The following TRIM2 variants were observed in gnomAD, a reference collection of about 807,000 sequenced individuals.
TRIM2 encodes the protein tripartite motif containing 2.
A neutral mutation model predicts 75.2 loss-of-function variants in TRIM2; 20 were observed. The ratio of observed to expected loss-of-function variants is 0.27; its 90% CI spans 0.19 to 0.39. The LOEUF (loss-of-function observed/expected upper bound fraction) is 0.39. TRIM2 is among the 10% of genes least tolerant of loss of function. The pLI is 1.00. For synonymous variants in TRIM2, 373 were observed against 388.3 expected, an observed-to-expected ratio of 0.96 and a Z score of 0.46; for missense variants, 660 against 990.8, an observed-to-expected ratio of 0.67 and a Z score of 4.48.
intron 1 of TRIM2, among the ~76,000 whole-genome samples, chr4:153,225,576 A>T (rs752261059): frequency 6.6e-6 from 1 of 152,160 alleles, no homozygotes; most frequent in Non-Finnish European, 1.5e-5. Flanking sequence ...TTAATTTAGT[A>T]TTTTCTCTGG....
At chr4:153,190,698 G>A (rs1733093524) in intron 1 of TRIM2, among the ~76,000 whole-genome samples, 1 of 152,140 alleles carries the variant, frequency 6.6e-6, no homozygotes, top group Non-Finnish European at 1.5e-5. Context: ...GGACATTAGG[G>A]ACAGCTGCAA....
chr4:153,269,867 G>C (rs946531764), intron 1 of TRIM2, among the ~76,000 whole-genome samples: 6 of 151,938 alleles, frequency 3.9e-5, no homozygotes, highest in African/African-American at 1.5e-4. Context: ...ATAAGGGTTG[G>C]CTTATTGGTC....
At chr4:153,156,157 C>T (rs543385014) in intron 1 of TRIM2, among the ~76,000 whole-genome samples, 1 of 152,368 alleles carries the variant, frequency 6.6e-6, no homozygotes, top group African/African-American at 2.4e-5. Context: ...TAGGCAACTG[C>T]AACCAGACTT....
chr4:153,176,720 C>T (rs754238657), intron 1 of TRIM2, among the ~76,000 whole-genome samples: 2 of 152,122 alleles, frequency 1.3e-5, no homozygotes, highest in Non-Finnish European at 2.9e-5. Flanking sequence ...AAGAGATTCT[C>T]GAGCCTCAGC....
intron 1 of TRIM2, among the ~76,000 whole-genome samples, chr4:153,205,676 G>A (rs550813484): frequency 6.6e-6 from 1 of 152,186 alleles, no homozygotes; most frequent in South Asian, 2.1e-4. Context: ...GTGAACCATG[G>A]GACTTTAATA....
intron 4 of TRIM2, 90 bp from the exon 5 acceptor site, chr4:153,294,215 A>G: frequency 7.3e-7 from 1 of 1,371,446 alleles, no homozygotes; most frequent in African/African-American, 1.5e-5. Flanking sequence ...AAAGGCATAG[A>G]ATTTTTTTAA....
At chr4:153,228,825 T>C (rs893685276) in intron 1 of TRIM2, among the ~76,000 whole-genome samples, 3 of 152,352 alleles carry the variant, frequency 2.0e-5, no homozygotes, top group South Asian at 4.1e-4. Flanking sequence ...CTTTTTGCTG[T>C]TTTTCCCTAT....
At position 153,339,180 on chromosome 4, in the gene TRIM2, C is replaced by G; in HGVS notation, c.*4214C>G. 4.1e-6 allele frequency: 4 copies of G among 985,758 alleles called. No homozygotes were observed. The highest frequency in any genetic ancestry group is 4.8e-6 in the Non-Finnish European group (4 of 829,888). 61.1% of individuals were successfully genotyped at this position (985,758 alleles called of 1,614,324 possible). A position where few individuals can be genotyped will look rare whatever the true frequency, so the allele number is the denominator to read the frequency against. ...TGTATGTTCGTAGCTACATACGTAC[C>G]ACAGTATTTTGGATGCTTTAGTCTA... On this transcript the variant is annotated 3_prime_UTR_variant, in exon 12 of 12. Coordinates refer to ENST00000338700, the MANE Select transcript of TRIM2 (RefSeq NM_015271.5).
chr4:153,318,119 G>A (rs754787362), intron 8 of TRIM2, among the ~76,000 whole-genome samples: 10 of 152,200 alleles, frequency 6.6e-5, no homozygotes, highest in Non-Finnish European at 1.5e-4. Context: ...TGTGATCTGG[G>A]CTTCATGTCC....
chr4:153,264,323 T>C (rs1265215391), intron 1 of TRIM2, among the ~76,000 whole-genome samples: 1 of 152,198 alleles, frequency 6.6e-6, no homozygotes, highest in Non-Finnish European at 1.5e-5. Context: ...TCTACTGGCT[T>C]TTTGTCAATG....
chr4:153,290,564 C>T (rs1761637002), intron 3 of TRIM2, among the ~76,000 whole-genome samples: 1 of 152,132 alleles, frequency 6.6e-6, no homozygotes, highest in South Asian at 2.1e-4. Context: ...GTATTATAGT[C>T]TTTCTGTGGG....
chr4:153,294,570 G>T lies in TRIM2; in HGVS notation c.786+85G>T, dbSNP rs114717316. 3,532 of 1,329,768 alleles carry T rather than the reference G, an allele frequency of 2.7e-3. 69 individuals carry two copies. In the African/African-American group the frequency reaches 0.047, roughly 18 times the overall value. The allele number at this position is 1,329,768 out of a possible 1,614,324, so 82.4% of individuals were successfully genotyped here. A position where few individuals can be genotyped will look rare whatever the true frequency, so the allele number is the denominator to read the frequency against. ...TATTGTTTCCTAATAGCAACAAGGG[G>T]TCCTTAAGTGTCATCATTGTATAGT... On this transcript the variant is annotated intron_variant, in intron 5 of 11. Coordinates refer to ENST00000338700, the MANE Select transcript of TRIM2 (RefSeq NM_015271.5).
In TRIM2 at chr4:153,253,423, C is replaced by T. The variant is rs10015912; in HGVS notation, c.31-16912C>T. ...GGGTATGACAGCCATAGTGCCCCTT[C>T]ACATTTCCAAATGCACACCCTACTA... On this transcript the variant is annotated intron_variant, in intron 1 of 11. Transcript: ENST00000338700. 5.3e-3 allele frequency among the ~76,000 whole-genome samples: 811 copies of T among 152,286 alleles called. 5 individuals carry two copies. The highest frequency in any genetic ancestry group is 0.018 in the African/African-American group (759 of 41,552).
At chr4:153,159,296 C>CTTTTTTTTT (rs11318531) in intron 1 of TRIM2, among the ~76,000 whole-genome samples, 41 of 89,170 alleles carry the variant, frequency 4.6e-4, no homozygotes, top group African/African-American at 7.1e-4. Flanking sequence ...TTTACAAAAT[C>CTTTTTTTTT]TTTTTTTTTT....
At chr4:153,249,078 G>A (rs1750089023) in intron 1 of TRIM2, among the ~76,000 whole-genome samples, 1 of 152,230 alleles carries the variant, frequency 6.6e-6, no homozygotes, top group South Asian at 2.1e-4. Flanking sequence ...TTTTAATGCT[G>A]TCACCGCGGG....
chr4:153,300,667 G>A (rs1763703094), intron 6 of TRIM2, among the ~76,000 whole-genome samples: 1 of 151,962 alleles, frequency 6.6e-6, no homozygotes, highest in African/African-American at 2.4e-5. Context: ...TGAGACTACA[G>A]GCACGCACTA....
At chr4:153,205,612 A>G (rs1300551818) in intron 1 of TRIM2, among the ~76,000 whole-genome samples, 1 of 152,154 alleles carries the variant, frequency 6.6e-6, no homozygotes, top group African/African-American at 2.4e-5. Flanking sequence ...TTTGTTATCG[A>G]CAGGAGCCTG....
chr4:153,259,304 C>G lies in TRIM2; in HGVS notation c.31-11031C>G, dbSNP rs564162774. On this transcript the variant is annotated intron_variant, in intron 1 of 11. Transcript: ENST00000338700. ...GCTTGTGAAATAAAGTTAAAACATT[C>G]ATTCTTTGTCTTACTAAGAAATGAA... is the stretch of plus-strand genomic sequence containing the variant. 2.0e-5 allele frequency among the ~76,000 whole-genome samples: 3 copies of G among 152,206 alleles called. No homozygotes were observed. The South Asian group carries it at 6.2e-4, about 32-fold the overall frequency.
chr4:153,239,792 A>T (rs892864700), intron 1 of TRIM2, among the ~76,000 whole-genome samples: 3 of 150,826 alleles, frequency 2.0e-5, no homozygotes, highest in Non-Finnish European at 4.4e-5. Flanking sequence ...TTTTCGAGCA[A>T]TATGAAATGT....
Sources: gnomAD v4.1 joint callset for allele counts (sites outside exome capture counted in the v4.1 genomes callset) on GRCh38, gnomAD v4.1.1 for gene constraint, MANE v1.5 for transcripts, NCBI Gene and HGNC (gene_info 2026-07-23, HGNC 2026-07-21) for gene names.